The following AP2B1 variants were observed in gnomAD, a reference collection of about 807,000 sequenced individuals.
AP2B1 encodes adaptor related protein complex 2 subunit beta 1.
A neutral mutation model predicts 102.0 loss-of-function variants in AP2B1; 23 were observed. That is an observed-to-expected ratio of 0.23 (90% confidence interval 0.16 to 0.32). The LOEUF (loss-of-function observed/expected upper bound fraction) is 0.32. Ranked by LOEUF, AP2B1 falls within the 10% of genes least tolerant of loss-of-function variation. AP2B1 has a pLI of 1.00. For missense variants in AP2B1, 541 were observed against 1,157.4 expected (o/e 0.47, Z 7.73); for synonymous variants, 381 against 421.2 (o/e 0.90, Z 1.17).
chr17:35,654,697 A>G (rs542872051), intron 13 of AP2B1, among the ~76,000 whole-genome samples: 149 of 152,226 alleles, frequency 9.8e-4, no homozygotes, highest in South Asian at 3.1e-3. Context: ...TATTTTCTCA[A>G]TTGCCATTCT....
At chr17:35,606,393 C>T (rs1041082278) in intron 4 of AP2B1, among the ~76,000 whole-genome samples, 1 of 152,002 alleles carries the variant, frequency 6.6e-6, no homozygotes, top group Non-Finnish European at 1.5e-5. Flanking sequence ...GTGACCGTCA[C>T]CATGCCCAGC....
chr17:35,595,989 T>C (rs1043727900), intron 2 of AP2B1, among the ~76,000 whole-genome samples: 32 of 152,160 alleles, frequency 2.1e-4, no homozygotes, highest in African/African-American at 7.7e-4. Context: ...GACCTTTTTT[T>C]AATTCAGGCA....
At chr17:35,589,297 C>G (rs2142263704) in intron 1 of AP2B1, among the ~76,000 whole-genome samples, 1 of 152,254 alleles carries the variant, frequency 6.6e-6, no homozygotes, top group Admixed American at 6.5e-5. Context: ...AATGACATTT[C>G]TGCTTTATAA....
In AP2B1 at chr17:35,634,890, T is replaced by C. The variant is rs188109359; in HGVS notation, c.1156-1451T>C. ...CAGTTAAAGACCTCCTACTTTGGCT[T>C]ATTCTTTAATTCTTATTCTTTCCTC... On this transcript the variant is annotated intron_variant, in intron 9 of 21. Transcript: ENST00000610402. Among the ~76,000 whole-genome samples, 5 of 152,358 alleles carry C rather than the reference T, an allele frequency of 3.3e-5. No individual in the cohort carries two copies. The East Asian group carries it at 7.7e-4, about 24-fold the overall frequency.
At chr17:35,614,232 C>G (rs1366098206) in intron 5 of AP2B1, among the ~76,000 whole-genome samples, 1 of 152,132 alleles carries the variant, frequency 6.6e-6, no homozygotes, top group Non-Finnish European at 1.5e-5. Context: ...TGGTCTTGCT[C>G]TGTCACCCAG....
Position 35,725,606 on chromosome 17 carries a change from A to C in AP2B1, c.*1907A>C, listed in dbSNP as rs1807392865. 1 of 152,550 alleles carries C rather than the reference A, an allele frequency of 6.6e-6. No individual in the cohort carries two copies. Among genetic ancestry groups the C allele is most frequent in the Non-Finnish European group, 1.5e-5 (1 of 68,054 alleles). The allele number at this position is 152,550 out of a possible 1,614,324, so 9.4% of individuals were successfully genotyped here. ...CCTGAAGCACATGGCAGTAGGAAACAGCATAGGATTGTATGTGGGAGGTGG... is the reference window on the plus strand; with the variant it reads ...CCTGAAGCACATGGCAGTAGGAAACCGCATAGGATTGTATGTGGGAGGTGG... On this transcript the variant is annotated 3_prime_UTR_variant, in exon 22 of 22. Coordinates refer to ENST00000610402, the MANE Select transcript of AP2B1 (RefSeq NM_001030006.2).
chr17:35,708,976 T>A (rs1359249833), intron 18 of AP2B1, among the ~76,000 whole-genome samples: 1 of 152,190 alleles, frequency 6.6e-6, no homozygotes, highest in East Asian at 1.9e-4. Context: ...ATTCCTGGTA[T>A]ACAAGTTGTG....
intron 17 of AP2B1, among the ~76,000 whole-genome samples, chr17:35,682,446 G>A (rs914139895): frequency 4.1e-5 from 6 of 147,664 alleles, no homozygotes; most frequent in Admixed American, 6.9e-5. Context: ...GAGTTCAAGC[G>A]ATTCTCCTGC....
At chr17:35,660,481 CTTTTTT>C (rs71366472) in intron 14 of AP2B1, among the ~76,000 whole-genome samples, 1 of 127,754 alleles carries the variant, frequency 7.8e-6, no homozygotes, top group Admixed American at 8.2e-5. Context: ...TTTTCTCTCT[CTTTTTT>C]TTTTTTTTTT....
intron 15 of AP2B1, among the ~76,000 whole-genome samples, chr17:35,671,251 ACT>A (rs1347459970): frequency 6.6e-6 from 1 of 151,824 alleles, no homozygotes; most frequent in Admixed American, 6.6e-5. Context: ...TCAGAGTGAG[ACT>A]CTCCTCGTAA....
At chr17:35,634,399 G>C (rs1486072714) in intron 9 of AP2B1, among the ~76,000 whole-genome samples, 1 of 152,082 alleles carries the variant, frequency 6.6e-6, no homozygotes, top group Non-Finnish European at 1.5e-5. Context: ...TGTACTTCCT[G>C]TTGCATCTTA....
chr17:35,690,424 G>A (rs1437167838), intron 18 of AP2B1, among the ~76,000 whole-genome samples: 2 of 152,158 alleles, frequency 1.3e-5, no homozygotes, highest in African/African-American at 4.8e-5. Flanking sequence ...GAGAGTCTTA[G>A]CATTCAGTAT....
chr17:35,606,957 G>A (rs553256018), intron 4 of AP2B1, among the ~76,000 whole-genome samples: 2 of 150,930 alleles, frequency 1.3e-5, no homozygotes, highest in African/African-American at 4.9e-5. Context: ...CCGGGCTGGA[G>A]TGCAATGGCG....
At chr17:35,588,589 G>A (rs1331943029) in intron 1 of AP2B1, 3 of 152,248 alleles carry the variant, frequency 2.0e-5, no homozygotes, top group Non-Finnish European at 4.4e-5. Context: ...CAATTTAAAT[G>A]ATTAGTTACC....
chr17:35,694,543 G>A (rs2076103905), intron 18 of AP2B1, among the ~76,000 whole-genome samples: 1 of 151,608 alleles, frequency 6.6e-6, no homozygotes, highest in African/African-American at 2.4e-5. Context: ...TTACAGGCAT[G>A]AGCCACCGCA....
chr17:35,592,272 A>G (rs1311015193), intron 1 of AP2B1, among the ~76,000 whole-genome samples: 1 of 152,152 alleles, frequency 6.6e-6, no homozygotes, highest in Non-Finnish European at 1.5e-5. Flanking sequence ...GAAGTTGGTG[A>G]TAAGTATTAT....
At chr17:35,654,288 T>C (rs1386594790) in intron 13 of AP2B1, among the ~76,000 whole-genome samples, 1 of 152,136 alleles carries the variant, frequency 6.6e-6, no homozygotes, top group African/African-American at 2.4e-5. Flanking sequence ...GGTCTCAAAC[T>C]CCTGACCTCA....
chr17:35,680,381 G>A (rs114517776), intron 17 of AP2B1, among the ~76,000 whole-genome samples: 2,670 of 150,944 alleles, frequency 0.018, 52 homozygotes, highest in African/African-American at 0.049. Flanking sequence ...TTTTCCACCC[G>A]AAACAGGGTC....
chr17:35,710,934 T>G (rs2076433930), intron 20 of AP2B1, among the ~76,000 whole-genome samples: 1 of 152,116 alleles, frequency 6.6e-6, no homozygotes, highest in Non-Finnish European at 1.5e-5. Context: ...TTGGTAACCT[T>G]TTACTACACT....
Sources: gnomAD v4.1 joint callset for allele counts (sites outside exome capture counted in the v4.1 genomes callset) on GRCh38, gnomAD v4.1.1 for gene constraint, MANE v1.5 for transcripts, NCBI Gene and HGNC (gene_info 2026-07-23, HGNC 2026-07-21) for gene names.